SCN7A: variants seen among roughly 807,000 people sequenced by gnomAD.
The protein encoded by SCN7A is sodium voltage-gated channel alpha subunit 7, also known as sodium channel protein type 7 subunit alpha.
A neutral mutation model predicts 155.2 loss-of-function variants in SCN7A; 138 were observed. The ratio of observed to expected loss-of-function variants is 0.89; its 90% CI spans 0.77 to 1.02. The LOEUF (loss-of-function observed/expected upper bound fraction) is 1.02, where lower values mean the gene tolerates loss of function less well. SCN7A is among the 50% of genes least tolerant of loss of function. SCN7A has a pLI of 0.00. For synonymous variants in SCN7A, 693 were observed against 649.0 expected (o/e 1.07, Z -1.03); for missense variants, 2,058 against 1,986.6 (o/e 1.04, Z -0.68).
intron 16 of SCN7A, 117 bp downstream of exon 16, chr2:166,432,201 A>C (rs1447254682): frequency 2.8e-6 from 2 of 708,116 alleles, no homozygotes; most frequent in African/African-American, 3.6e-5. Context: ...TGGAGCTAGG[A>C]GTGATGGAGT....
intron 21 of SCN7A, among the ~76,000 whole-genome samples, chr2:166,413,959 C>T (rs1452598999): frequency 1.4e-5 from 1 of 73,530 alleles, no homozygotes; most frequent in Non-Finnish European, 2.5e-5. Flanking sequence ...ATAAACTCCC[C>T]TTTATATATA....
intron 10 of SCN7A, 102 bp downstream of exon 10, chr2:166,462,287 T>G: frequency 8.0e-7 from 1 of 1,242,900 alleles, no homozygotes; most frequent in Non-Finnish European, 1.1e-6. Context: ...CCAATTCTTC[T>G]GCACATAAAA....
rs1702829161 is a variant in SCN7A at position 166,477,614 on chromosome 2, GT to G, written c.82del (p.Thr28HisfsTer11). 6.2e-7 allele frequency: 1 copy of G among 1,602,694 alleles called. No homozygotes were observed. Among genetic ancestry groups the G allele is most frequent in the Non-Finnish European group, 8.5e-7 (1 of 1,173,634 alleles). ...FELIKQHIAK[T>X]HNEDHEEEDL... ...TTCTTCTTCATGGTCTTCATTATGT[GT>G]TTTAGCAATATGCTGTTTTATAAGT... On this transcript the variant is annotated frameshift_variant, in exon 3 of 26. Transcript: ENST00000643258. LOFTEE classifies it high-confidence loss of function.
Position 166,465,774 on chromosome 2 carries a change from T to C in SCN7A, c.871+7A>G. ...ATTTTTGATATACATGGCAAGGTGATTCTTACCTCGAATATAATATGGGTT... is the reference window on the plus strand; with the variant it reads ...ATTTTTGATATACATGGCAAGGTGACTCTTACCTCGAATATAATATGGGTT... On this transcript the variant is annotated splice_region_variant and intron_variant, in intron 8 of 25. Coordinates refer to ENST00000643258, the MANE Select transcript of SCN7A (RefSeq NM_002976.4). 1.2e-6 allele frequency: 2 copies of C among 1,613,242 alleles called. No homozygotes were observed. The highest frequency in any genetic ancestry group is 1.7e-6 in the Non-Finnish European group (2 of 1,179,290).
intron 2 of SCN7A, among the ~76,000 whole-genome samples, chr2:166,483,319 GGACTA>G (rs1300745062): frequency 2.0e-5 from 3 of 151,962 alleles, no homozygotes; most frequent in Non-Finnish European, 4.4e-5. Context: ...TTGAAGAAGT[GGACTA>G]GACGTTTCTA....
chr2:166,462,518 T>C lies in SCN7A; in HGVS notation c.954A>G (p.Glu318=), dbSNP rs761883598. The change falls in exon 10 of 26, where the codon GAA becomes GAG. Residue 318 remains glutamate (E), a synonymous_variant. Coordinates refer to ENST00000643258, the MANE Select transcript of SCN7A (RefSeq NM_002976.4). ...GNRTDAGQCP[E]GYVCVKAGIN... The stretch of plus-strand genomic sequence containing the variant: ...TGCCAGCTTTTACACACACATATCC[T>C]TCAGGACACTGACTAAAGAAGACAA... 1 of 1,613,708 alleles carries C rather than the reference T, an allele frequency of 6.2e-7. No individual in the cohort carries two copies. The highest frequency in any genetic ancestry group is 2.2e-5 in the East Asian group (1 of 44,850).
At chr2:166,483,302 A>G (rs1006178431) in intron 2 of SCN7A, among the ~76,000 whole-genome samples, 2 of 152,062 alleles carry the variant, frequency 1.3e-5, no homozygotes, top group Admixed American at 1.3e-4. Flanking sequence ...CTTACCAAGT[A>G]CCATTTTTGA....
Position 166,423,424 on chromosome 2 carries a change from T to C in SCN7A, c.2862A>G (p.Glu954=). 1 of 1,542,932 alleles carries C rather than the reference T, an allele frequency of 6.5e-7. No homozygotes were observed. The change falls in exon 19 of 26, where the codon GAA becomes GAG. Residue 954 remains glutamate (E), a synonymous_variant. Coordinates refer to ENST00000643258, the MANE Select transcript of SCN7A (RefSeq NM_002976.4). ...TCTTTCTCTGATCCATATATATATC[T>C]TCAAAAGCCTGTGGGTAAAAATAAA... is the stretch of plus-strand genomic sequence containing the variant. ...TLLSTGTLAF[E]DIYMDQRKTI...
Position 166,472,309 on chromosome 2 carries a change from A to T in SCN7A, c.572+8T>A. 6.3e-7 allele frequency: 1 copy of T among 1,581,162 alleles called. No individual in the cohort carries two copies. Among genetic ancestry groups the T allele is most frequent in the Non-Finnish European group, 8.6e-7 (1 of 1,168,228 alleles). Reference sequence around the variant, plus strand: ...ATTAAAATAGACTCAATTTAAAGAAATACTCACTCAAACACAGTTACGCTG... The same window carrying T: ...ATTAAAATAGACTCAATTTAAAGAATTACTCACTCAAACACAGTTACGCTG... On this transcript the variant is annotated splice_region_variant and intron_variant, in intron 6 of 25. Transcript: ENST00000643258.
chr2:166,413,981 G>A (rs370954417), intron 21 of SCN7A, among the ~76,000 whole-genome samples: 8 of 53,512 alleles, frequency 1.5e-4, no homozygotes, highest in African/African-American at 2.9e-4. Context: ...ATGTGTATGT[G>A]TATATATATA....
intron 23 of SCN7A, among the ~76,000 whole-genome samples, chr2:166,412,174 A>T (rs1237195787): frequency 6.6e-6 from 1 of 152,092 alleles, no homozygotes; most frequent in Non-Finnish European, 1.5e-5. Flanking sequence ...CTTTAAATAT[A>T]ACAGAGAGTA....
chr2:166,476,107 T>C (rs1247137226), intron 3 of SCN7A, among the ~76,000 whole-genome samples: 1 of 151,980 alleles, frequency 6.6e-6, no homozygotes, highest in Non-Finnish European at 1.5e-5. Flanking sequence ...GCCTAACTTA[T>C]ACTTTCATTA....
At chr2:166,479,204 G>T (rs1397982471) in intron 2 of SCN7A, among the ~76,000 whole-genome samples, 1 of 152,002 alleles carries the variant, frequency 6.6e-6, no homozygotes, top group Non-Finnish European at 1.5e-5. Context: ...TTCTACTTCA[G>T]AATTTTTCAC....
At chr2:166,474,508 G>T (rs1315157663) in intron 3 of SCN7A, among the ~76,000 whole-genome samples, 164 bp from the exon 4 acceptor site, 1 of 151,610 alleles carries the variant, frequency 6.6e-6, no homozygotes. Flanking sequence ...AAAGATTTTA[G>T]ATGTTTTTAT....
At chr2:166,462,346 T>C in intron 10 of SCN7A, 43 bp downstream of exon 10, 1 of 1,533,852 alleles carries the variant, frequency 6.5e-7, no homozygotes, top group Non-Finnish European at 8.8e-7. Context: ...AGCAAGGGCA[T>C]GGTGCCATTC....
At chr2:166,487,475 G>A (rs1420205798) in intron 1 of SCN7A, among the ~76,000 whole-genome samples, 4 of 152,142 alleles carry the variant, frequency 2.6e-5, no homozygotes, top group Admixed American at 2.6e-4. Flanking sequence ...TGCCAGCAAT[G>A]CACTCAAGCT....
At chr2:166,482,764 A>G (rs921849603) in intron 2 of SCN7A, among the ~76,000 whole-genome samples, 3 of 60,918 alleles carry the variant, frequency 4.9e-5, no homozygotes, top group East Asian at 5.6e-4. Context: ...GCGATACTGC[A>G]AAAAAAAAAA....
chr2:166,435,584 T>C (rs959506241), intron 15 of SCN7A, among the ~76,000 whole-genome samples: 2 of 152,088 alleles, frequency 1.3e-5, no homozygotes, highest in African/African-American at 4.8e-5. Flanking sequence ...AAGATTTAAG[T>C]AAGTACTTTC....
intron 2 of SCN7A, among the ~76,000 whole-genome samples, chr2:166,482,699 C>G (rs1702956414): frequency 6.6e-6 from 1 of 150,396 alleles, no homozygotes; most frequent in Admixed American, 6.6e-5. Context: ...TCAAACTACC[C>G]TGGGTTGTTG....
Sources: gnomAD v4.1 joint callset for allele counts (sites outside exome capture counted in the v4.1 genomes callset) on GRCh38, gnomAD v4.1.1 for gene constraint, MANE v1.5 for transcripts, NCBI Gene and HGNC (gene_info 2026-07-23, HGNC 2026-07-21) for gene names.